Variants in NOVA1 observed in about 807,000 individuals in gnomAD.
NOVA1 encodes NOVA alternative splicing regulator 1, also known as RNA-binding protein Nova-1.
Under a neutral mutation model 38.0 loss-of-function variants are expected in NOVA1, and 7 were observed. The ratio of observed to expected loss-of-function variants is 0.18; its 90% CI spans 0.10 to 0.35. NOVA1 has a LOEUF of 0.35. NOVA1 is among the 10% of genes least tolerant of loss of function. The pLI is 1.00. For missense variants in NOVA1, 460 were observed against 616.0 expected, an observed-to-expected ratio of 0.75 and a Z score of 2.68; for synonymous variants, 270 against 232.5, an observed-to-expected ratio of 1.16 and a Z score of -1.47.
At chr14:26,586,861 T>G (rs1893545528) in intron 2 of NOVA1, among the ~76,000 whole-genome samples, 1 of 149,268 alleles carries the variant, frequency 6.7e-6, no homozygotes, top group African/African-American at 2.4e-5. Flanking sequence ...GCACATGAAC[T>G]AAAATAATAA....
intron 3 of NOVA1, among the ~76,000 whole-genome samples, chr14:26,478,502 G>A (rs1885172982): frequency 6.6e-6 from 1 of 151,892 alleles, no homozygotes; most frequent in Non-Finnish European, 1.5e-5. Flanking sequence ...TTATACTTCA[G>A]TGCTTATTCT....
chr14:26,459,744 A>C (rs1049022096), intron 4 of NOVA1, among the ~76,000 whole-genome samples: 2 of 152,068 alleles, frequency 1.3e-5, no homozygotes, highest in Non-Finnish European at 2.9e-5. Context: ...TTATGGATTA[A>C]TACTCTATGA....
intron 2 of NOVA1, among the ~76,000 whole-genome samples, chr14:26,539,868 AG>A (rs1210227140): frequency 7.4e-5 from 10 of 135,194 alleles, no homozygotes; most frequent in African/African-American, 1.2e-4. Flanking sequence ...TAAGAGGCAA[AG>A]GAAAAAAAAA....
At chr14:26,489,859 T>C (rs1354503853) in intron 2 of NOVA1, among the ~76,000 whole-genome samples, 3 of 152,004 alleles carry the variant, frequency 2.0e-5, no homozygotes, top group Non-Finnish European at 1.5e-5. Context: ...AAAATAAAAA[T>C]TGTGCTACAT....
chr14:26,474,442 G>A (rs958301902), intron 3 of NOVA1, among the ~76,000 whole-genome samples: 16 of 151,786 alleles, frequency 1.1e-4, no homozygotes, highest in Non-Finnish European at 1.6e-4. Context: ...ATTTAATATC[G>A]AATGGCTCAG....
chr14:26,523,284 A>C (rs1889036736), intron 2 of NOVA1, among the ~76,000 whole-genome samples: 1 of 152,210 alleles, frequency 6.6e-6, no homozygotes, highest in South Asian at 2.1e-4. Flanking sequence ...TGCTGCAATG[A>C]GTGTGTAATC....
chr14:26,538,612 A>G (rs1409274929), intron 2 of NOVA1, among the ~76,000 whole-genome samples: 7 of 152,048 alleles, frequency 4.6e-5, no homozygotes, highest in African/African-American at 7.2e-5. Flanking sequence ...TACTACTACA[A>G]GACTTACACC....
intron 4 of NOVA1, among the ~76,000 whole-genome samples, chr14:26,451,865 C>G (rs911835678): frequency 6.6e-6 from 1 of 152,016 alleles, no homozygotes; most frequent in Non-Finnish European, 1.5e-5. Flanking sequence ...TCTTAAATAA[C>G]AAATCTGTCA....
intron 2 of NOVA1, among the ~76,000 whole-genome samples, chr14:26,540,009 AGTCTTTTGT>A (rs1282388963): frequency 4.6e-5 from 7 of 152,184 alleles, no homozygotes; most frequent in African/African-American, 1.7e-4. Flanking sequence ...GTTGGGTTTA[AGTCTTTTGT>A]AACATTTCCA....
chr14:26,477,956 T>C (rs1224760210), intron 3 of NOVA1, among the ~76,000 whole-genome samples: 1 of 152,034 alleles, frequency 6.6e-6, no homozygotes, highest in Non-Finnish European at 1.5e-5. Context: ...GTCTTTTTAA[T>C]AAATCCTTTT....
In NOVA1 at chr14:26,448,255, T is replaced by A; in HGVS notation, c.1228A>T (p.Ile410Phe). The A allele has an allele frequency of 6.2e-7, 1 of 1,614,244 alleles. No homozygotes were observed. The highest frequency in any genetic ancestry group is 8.5e-7 in the Non-Finnish European group (1 of 1,180,042). ...GAASPLAASAILGTEKSTDGS... is the reference protein window; with the variant it reads ...GAASPLAASAFLGTEKSTDGS... ...TCTGTGGACTTTTCTGTTCCTAGAA[T>A]GGCACTGGCAGCTAGGGGAGAAGCA... The change falls in exon 5 of 5, where the codon ATT becomes TTT. Residue 410 changes from isoleucine (I) to phenylalanine (F), a missense_variant. Coordinates refer to ENST00000539517, the MANE Select transcript of NOVA1 (RefSeq NM_002515.3). This position sits in a 1 kb window ranked among gnomAD's most constrained non-coding sequence, Gnocchi z 5.3.
chr14:26,501,386 C>T (rs1391227317), intron 2 of NOVA1, among the ~76,000 whole-genome samples: 3 of 151,824 alleles, frequency 2.0e-5, no homozygotes, highest in Non-Finnish European at 2.9e-5. Flanking sequence ...GATTCGACTG[C>T]CTATGAACAC....
intron 2 of NOVA1, among the ~76,000 whole-genome samples, chr14:26,534,218 A>G (rs954046527): frequency 6.6e-6 from 1 of 152,224 alleles, no homozygotes; most frequent in Admixed American, 6.5e-5. Flanking sequence ...AAAAACTGAT[A>G]TACTATAGTT....
chr14:26,547,848 T>A (rs1890891323), intron 2 of NOVA1, among the ~76,000 whole-genome samples: 1 of 152,128 alleles, frequency 6.6e-6, no homozygotes, highest in African/African-American at 2.4e-5. Context: ...AGTATTGACA[T>A]TTACTTCTTT....
chr14:26,524,554 G>A (rs1398458095), intron 2 of NOVA1, among the ~76,000 whole-genome samples: 1 of 152,098 alleles, frequency 6.6e-6, no homozygotes, highest in Non-Finnish European at 1.5e-5. Context: ...GATACAGAGG[G>A]CTTTCTTCAA....
Position 26,509,698 on chromosome 14 carries a change from G to T in NOVA1, c.281-29555C>A, listed in dbSNP as rs143573641. Among the ~76,000 whole-genome samples, 314 of 152,210 alleles carry T rather than the reference G, an allele frequency of 2.1e-3. 2 individuals carry two copies. Among genetic ancestry groups the T allele is most frequent in the African/African-American group, 7.3e-3 (302 of 41,558 alleles). On this transcript the variant is annotated intron_variant, in intron 2 of 4. Coordinates refer to ENST00000539517, the MANE Select transcript of NOVA1 (RefSeq NM_002515.3). The stretch of plus-strand genomic sequence containing the variant: ...ATTCATGCATATGGGGTTTTTTCTT[G>T]AGACAGTGTTTTGCTCTTATTACCT...
At chr14:26,568,657 G>A (rs1409419569) in intron 2 of NOVA1, among the ~76,000 whole-genome samples, 1 of 152,054 alleles carries the variant, frequency 6.6e-6, no homozygotes, top group East Asian at 1.9e-4. Context: ...ATAAATGCAG[G>A]AACCTGGAAG....
intron 2 of NOVA1, among the ~76,000 whole-genome samples, chr14:26,574,079 G>A (rs1009250112): frequency 6.9e-6 from 1 of 144,146 alleles, no homozygotes; most frequent in Non-Finnish European, 1.5e-5. Flanking sequence ...AGGCTGGAGT[G>A]CAGTGGCACA....
intron 1 of NOVA1, 176 bp downstream of exon 1, chr14:26,597,125 G>C (rs576560848): frequency 3.3e-6 from 4 of 1,230,184 alleles, no homozygotes; most frequent in Non-Finnish European, 4.0e-6. Context: ...ACCTAGGCGC[G>C]GGGCAGGTGC....
Sources: allele counts gnomAD v4.1 joint callset (sites outside exome capture counted in the v4.1 genomes callset), GRCh38; gene constraint gnomAD v4.1.1; non-coding constraint Gnocchi (gnomAD v3.1); transcripts MANE v1.5; gene names NCBI Gene and HGNC (gene_info 2026-07-23, HGNC 2026-07-21).